SPECC1L: variants seen among roughly 807,000 people sequenced by gnomAD.
SPECC1L encodes sperm antigen with calponin homology and coiled-coil domains 1 like.
In SPECC1L, 40 loss-of-function variants were observed where a neutral mutation model predicts 116.8. The observed-to-expected ratio is 0.34, with a 90% CI of 0.27 to 0.45. SPECC1L has a LOEUF of 0.45. SPECC1L is among the 20% of genes least tolerant of loss of function. SPECC1L has a pLI of 1.00. For synonymous variants in SPECC1L, 504 were observed against 500.6 expected (o/e 1.01, Z -0.09); for missense variants, 1,110 against 1,373.6 (o/e 0.81, Z 3.03).
chr22:24,345,046 C>A (rs2041261564), intron 10 of SPECC1L, among the ~76,000 whole-genome samples: 1 of 152,084 alleles, frequency 6.6e-6, no homozygotes, highest in Non-Finnish European at 1.5e-5. Context: ...TATGGAAATG[C>A]AAGATCCCTG....
chr22:24,388,211 T>C (rs2042197304), intron 14 of SPECC1L, among the ~76,000 whole-genome samples: 1 of 150,520 alleles, frequency 6.6e-6, no homozygotes, highest in African/African-American at 2.4e-5. Context: ...TAGGTATATC[T>C]CCTAATGCTA....
At chr22:24,413,981 TG>T (rs1001536637) in intron 16 of SPECC1L, among the ~76,000 whole-genome samples, 2 of 151,444 alleles carry the variant, frequency 1.3e-5, no homozygotes, top group Non-Finnish European at 1.5e-5. Context: ...TGGAGTGAGG[TG>T]GGGGTGGGTC....
At chr22:24,399,348 A>G (rs1601349126) in intron 14 of SPECC1L, among the ~76,000 whole-genome samples, 1 of 152,218 alleles carries the variant, frequency 6.6e-6, no homozygotes, top group African/African-American at 2.4e-5. Context: ...AGGCGGGTGG[A>G]TCACGAGGTC....
chr22:24,336,960 A>ATG (rs984140111), intron 9 of SPECC1L, among the ~76,000 whole-genome samples: 7 of 152,208 alleles, frequency 4.6e-5, no homozygotes, highest in Non-Finnish European at 1.0e-4. Flanking sequence ...TTCATGTTAG[A>ATG]TGATTTTGCC....
intron 1 of SPECC1L, among the ~76,000 whole-genome samples, chr22:24,275,780 C>T (rs2048825353): frequency 6.6e-6 from 1 of 152,156 alleles, no homozygotes; most frequent in African/African-American, 2.4e-5. Flanking sequence ...GTGATCACAG[C>T]TCACCGTAGC....
chr22:24,347,969 C>T (rs1266600135), intron 11 of SPECC1L, among the ~76,000 whole-genome samples: 1 of 152,200 alleles, frequency 6.6e-6, no homozygotes, highest in Admixed American at 6.5e-5. Flanking sequence ...AGCTACCGCA[C>T]CTGGCCTTCC....
At chr22:24,390,887 T>TTTTTTTTTTTTTTTTTC (rs2042258808) in intron 14 of SPECC1L, among the ~76,000 whole-genome samples, 1 of 129,686 alleles carries the variant, frequency 7.7e-6, no homozygotes, top group South Asian at 2.7e-4. Flanking sequence ...TTTTTTTTTT[T>TTTTTTTTTTTTTTTTTC]TTTTTTTTTT....
intron 16 of SPECC1L, among the ~76,000 whole-genome samples, chr22:24,413,093 G>A (rs2042732138): frequency 6.6e-6 from 1 of 152,170 alleles, no homozygotes; most frequent in Non-Finnish European, 1.5e-5. Context: ...ACACCAGCAG[G>A]TCCATCTGCC....
intron 10 of SPECC1L, among the ~76,000 whole-genome samples, chr22:24,346,795 T>C (rs1256347192): frequency 6.6e-6 from 1 of 152,212 alleles, no homozygotes; most frequent in Admixed American, 6.5e-5. Flanking sequence ...GGTATTTTAC[T>C]ATAGGTTTGT....
intron 14 of SPECC1L, among the ~76,000 whole-genome samples, chr22:24,395,263 A>G (rs2042345180): frequency 6.6e-6 from 1 of 152,210 alleles, no homozygotes; most frequent in South Asian, 2.1e-4. Context: ...ATAATTTTTT[A>G]TACATTTTGG....
intron 14 of SPECC1L, among the ~76,000 whole-genome samples, chr22:24,405,929 C>G (rs1202755423): frequency 1.3e-5 from 2 of 152,056 alleles, no homozygotes; most frequent in Non-Finnish European, 2.9e-5. Flanking sequence ...GCTGGGATTT[C>G]ACTGAAGTCC....
At chr22:24,384,477 T>A (rs1197264951) in intron 14 of SPECC1L, among the ~76,000 whole-genome samples, 1 of 152,232 alleles carries the variant, frequency 6.6e-6, no homozygotes, top group Non-Finnish European at 1.5e-5. Context: ...AATAAAAATA[T>A]CTTGTTTAAA....
chr22:24,275,785 C>T (rs1256264339), intron 1 of SPECC1L, among the ~76,000 whole-genome samples: 3 of 152,078 alleles, frequency 2.0e-5, no homozygotes, highest in African/African-American at 4.8e-5. Context: ...CACAGCTCAC[C>T]GTAGCCTTGA....
In SPECC1L at chr22:24,364,035, C is replaced by T. The variant is rs996268884; in HGVS notation, c.2827+691C>T. Among the ~76,000 whole-genome samples, 5 of 152,180 alleles carry T rather than the reference C, an allele frequency of 3.3e-5. No homozygotes were observed. In the East Asian group the frequency reaches 9.7e-4, roughly 29 times the overall value. ...AGCCCAGGAATGATAGAGTTAATGG[C>T]GCCTGCAGATCCACCTTCTTCTGAG... On this transcript the variant is annotated intron_variant, in intron 12 of 16. Transcript: ENST00000314328.
At chr22:24,283,605 T>G (rs2048987799) in intron 2 of SPECC1L, among the ~76,000 whole-genome samples, 1 of 152,218 alleles carries the variant, frequency 6.6e-6, no homozygotes, top group African/African-American at 2.4e-5. Flanking sequence ...ATAGAATGAG[T>G]TGAGAAATAT....
At chr22:24,340,196 T>C (rs1231014056) in intron 10 of SPECC1L, among the ~76,000 whole-genome samples, 2 of 139,360 alleles carry the variant, frequency 1.4e-5, no homozygotes, top group East Asian at 4.3e-4. Context: ...TTGCCCAGGC[T>C]GGAATGAAAT....
Position 24,322,760 on chromosome 22 carries a change from T to A in SPECC1L, c.1780T>A (p.Tyr594Asn). The change falls in exon 5 of 17, where the codon TAT becomes AAT. Residue 594 changes from tyrosine (Y) to asparagine (N), a missense_variant. By Grantham distance (143) the Tyr-to-Asn change is moderately radical (BLOSUM62 -2). Around this residue, in one of 4 missense-constraint regions of SPECC1L, gnomAD observed 575 missense variants for 682.4 expected, o/e 0.84. Transcript: ENST00000314328. ...ENEKQKVAEL[Y>N]SIHNSGDKSD... ...TGAAAAGCAGAAAGTGGCAGAGCTG[T>A]ATTCTATCCATAACTCTGGAGACAA... 6.3e-7 allele frequency: 1 copy of A among 1,583,952 alleles called. No individual in the cohort carries two copies. Among genetic ancestry groups the A allele is most frequent in the Non-Finnish European group, 8.6e-7 (1 of 1,166,902 alleles).
intron 12 of SPECC1L, 135 bp downstream of exon 12, chr22:24,363,479 G>A: frequency 1.3e-6 from 1 of 797,246 alleles, no homozygotes; most frequent in Non-Finnish European, 2.1e-6. Flanking sequence ...CTCTCACCTT[G>A]GCCTTCCAAA....
At position 24,365,625 on chromosome 22, in the gene SPECC1L, C is replaced by T; in HGVS notation, c.2977C>T (p.Arg993Ter). ...TASVTPTTRS[R>*]IREERKDPLS... ...ATCTGTGACTCCCACCACCCGAAGC[C>T]GAATAAGGTAGAGAACAGTTAATAT... Residue 993 changes from arginine to a stop codon, truncating the protein, a stop_gained, in exon 13 of 17, where the codon CGA (arginine) becomes TGA (stop). Coordinates refer to ENST00000314328, the MANE Select transcript of SPECC1L (RefSeq NM_015330.6). LOFTEE classifies it high-confidence loss of function. 1 of 1,614,098 alleles carries T rather than the reference C, an allele frequency of 6.2e-7. No homozygotes were observed. The highest frequency in any genetic ancestry group is 8.5e-7 in the Non-Finnish European group (1 of 1,180,026).
Sources: allele counts gnomAD v4.1 joint callset (sites outside exome capture counted in the v4.1 genomes callset), GRCh38; gene constraint gnomAD v4.1.1; regional missense constraint gnomAD v4.1.1; transcripts MANE v1.5; gene names NCBI Gene and HGNC (gene_info 2026-07-23, HGNC 2026-07-21).